QTMAN: variants seen among roughly 807,000 people sequenced by gnomAD.
QTMAN encodes tRNA-queuosine alpha-mannosyltransferase.
At chr2:144,080,498 AATAAC>A in the QTMAN span, among the ~76,000 whole-genome samples, 2 of 152,186 alleles carry the variant, frequency 1.3e-5, no homozygotes, top group Non-Finnish European at 2.9e-5. Flanking sequence ...TTTTTAAAGT[AATAAC>A]ATAACAATGT....
the QTMAN span, among the ~76,000 whole-genome samples, chr2:144,000,335 C>CA: frequency 6.6e-4 from 100 of 152,038 alleles, no homozygotes; most frequent in Non-Finnish European, 1.2e-3. Context: ...TGTCAGAATT[C>CA]ATTTTCTTTA....
chr2:144,073,791 T>C, the QTMAN span, among the ~76,000 whole-genome samples: 1 of 152,182 alleles, frequency 6.6e-6, no homozygotes, highest in Admixed American at 6.5e-5. Context: ...CTCCCAACCT[T>C]GATGGGGAGA....
At chr2:144,268,705 A>C in the QTMAN span, among the ~76,000 whole-genome samples, 1 of 152,252 alleles carries the variant, frequency 6.6e-6, no homozygotes, top group African/African-American at 2.4e-5. Flanking sequence ...CTTTGTGTGA[A>C]TAAATTACAT....
At chr2:144,086,148 G>A in the QTMAN span, among the ~76,000 whole-genome samples, 3 of 152,122 alleles carry the variant, frequency 2.0e-5, no homozygotes, top group Non-Finnish European at 2.9e-5. Context: ...CTATAGCAGA[G>A]CTGAGGTTAA....
At chr2:144,124,007 A>C in the QTMAN span, among the ~76,000 whole-genome samples, 3 of 152,146 alleles carry the variant, frequency 2.0e-5, no homozygotes, top group Admixed American at 2.0e-4. Context: ...CTAGTCAAAT[A>C]ACTTGGATCC....
At chr2:144,119,786 C>T in the QTMAN span, among the ~76,000 whole-genome samples, 88 of 152,088 alleles carry the variant, frequency 5.8e-4, 1 homozygote, top group African/African-American at 2.0e-3. Context: ...GCTGTTCATA[C>T]TCTTCTCTTC....
At chr2:144,130,179 T>C in the QTMAN span, among the ~76,000 whole-genome samples, 1 of 151,652 alleles carries the variant, frequency 6.6e-6, no homozygotes, top group Non-Finnish European at 1.5e-5. Context: ...TCTTTTCTAA[T>C]CACTCACAGA....
the QTMAN span, among the ~76,000 whole-genome samples, chr2:144,296,593 T>C: frequency 6.6e-6 from 1 of 152,202 alleles, no homozygotes; most frequent in African/African-American, 2.4e-5. Context: ...AAGAAATAAA[T>C]TCTAACAAAG....
chr2:144,192,877 T>C, the QTMAN span, among the ~76,000 whole-genome samples: 2 of 152,234 alleles, frequency 1.3e-5, no homozygotes, highest in Non-Finnish European at 2.9e-5. Context: ...AGAACATTTA[T>C]TTTCATTTAT....
chr2:144,068,065 T>A, the QTMAN span, among the ~76,000 whole-genome samples: 1 of 152,218 alleles, frequency 6.6e-6, no homozygotes, highest in African/African-American at 2.4e-5. Flanking sequence ...TCCCTTAAGA[T>A]GATTCTCTTT....
the QTMAN span, chr2:144,237,447 A>G: frequency 1.3e-5 from 2 of 152,170 alleles, no homozygotes; most frequent in African/African-American, 4.8e-5. Context: ...TGATAATGTT[A>G]CGATACAAGC....
the QTMAN span, among the ~76,000 whole-genome samples, chr2:144,277,448 A>C: frequency 6.6e-6 from 1 of 152,180 alleles, no homozygotes; most frequent in Non-Finnish European, 1.5e-5. Context: ...ACAAGAATAT[A>C]TACTTTTCTT....
the QTMAN span, among the ~76,000 whole-genome samples, chr2:144,066,473 C>G: frequency 4.5e-4 from 68 of 152,328 alleles, no homozygotes; most frequent in South Asian, 0.013. Context: ...GTCCCCTATT[C>G]TTCAAATGCA....
chr2:144,128,514 C>A, the QTMAN span, among the ~76,000 whole-genome samples: 1 of 152,048 alleles, frequency 6.6e-6, no homozygotes, highest in African/African-American at 2.4e-5. Context: ...AGAAATGGAT[C>A]TATTTTGTCA....
At chr2:144,149,074 T>A in the QTMAN span, among the ~76,000 whole-genome samples, 107 of 152,070 alleles carry the variant, frequency 7.0e-4, no homozygotes, top group South Asian at 4.6e-3. Context: ...ATTTTTACTC[T>A]GCTCCCTACT....
the QTMAN span, among the ~76,000 whole-genome samples, chr2:143,972,030 T>C: frequency 6.6e-6 from 1 of 152,138 alleles, no homozygotes; most frequent in Non-Finnish European, 1.5e-5. Context: ...GTTCTATATC[T>C]CTCAGTTTGA....
At chr2:143,979,414 A>G in the QTMAN span, among the ~76,000 whole-genome samples, 4 of 152,180 alleles carry the variant, frequency 2.6e-5, no homozygotes, top group Non-Finnish European at 4.4e-5. Context: ...TATTTAATAA[A>G]TATTTCAATT....
the QTMAN span, among the ~76,000 whole-genome samples, chr2:144,116,794 G>A: frequency 3.3e-5 from 5 of 152,096 alleles, no homozygotes; most frequent in South Asian, 4.1e-4. Context: ...AAACATTATT[G>A]TTTCCGTTTT....
chr2:143,991,353 G>A, the QTMAN span, among the ~76,000 whole-genome samples: 6 of 152,190 alleles, frequency 3.9e-5, no homozygotes, highest in Non-Finnish European at 8.8e-5. Context: ...AAAGTAGCTA[G>A]AGAGAAAACC....
Sources: gnomAD v4.1 joint callset for allele counts (sites outside exome capture counted in the v4.1 genomes callset) on GRCh38, gnomAD v4.1.1 for gene constraint, MANE v1.5 for transcripts, NCBI Gene and HGNC (gene_info 2026-07-23, HGNC 2026-07-21) for gene names.